Variants in GNA14 observed in about 807,000 individuals in gnomAD.
The protein encoded by GNA14 is G protein subunit alpha 14, also known as guanine nucleotide-binding protein subunit alpha-14.
In GNA14, 50 loss-of-function variants were observed where a neutral mutation model predicts 42.0. That is an observed-to-expected ratio of 1.19 (90% confidence interval 0.95 to 1.51). The LOEUF is 1.51. Among genes scored for constraint, GNA14 ranks in the 40% most tolerant of loss-of-function variants. GNA14 has a pLI of 0.00. For missense variants in GNA14, 473 were observed against 446.2 expected (o/e 1.06, Z -0.54); for synonymous variants, 173 against 163.1 (o/e 1.06, Z -0.46).
At chr9:77,587,290 A>G (rs371223938) in intron 1 of GNA14, among the ~76,000 whole-genome samples, 24 of 152,304 alleles carry the variant, frequency 1.6e-4, no homozygotes, top group East Asian at 3.9e-4. Flanking sequence ...CAGCAATTCC[A>G]CTTCTAAGCA....
chr9:77,642,750 C>A (rs1269893061), intron 1 of GNA14, among the ~76,000 whole-genome samples: 1 of 152,196 alleles, frequency 6.6e-6, no homozygotes, highest in Non-Finnish European at 1.5e-5. Flanking sequence ...GCCTGAGCAA[C>A]AGAGCATGAC....
At chr9:77,647,555 C>G in intron 1 of GNA14, 115 bp downstream of exon 1, 1 of 1,211,716 alleles carries the variant, frequency 8.3e-7, no homozygotes, top group African/African-American at 1.6e-5. Context: ...GGGAGAAGGA[C>G]GAAGCCGCCC....
At chr9:77,534,617 T>C (rs939977118) in intron 1 of GNA14, among the ~76,000 whole-genome samples, 1 of 152,140 alleles carries the variant, frequency 6.6e-6, no homozygotes, top group Admixed American at 6.5e-5. Flanking sequence ...ACAATGTAAA[T>C]AGAACAAAAG....
At chr9:77,640,056 C>T (rs1824234217) in intron 1 of GNA14, among the ~76,000 whole-genome samples, 2 of 152,208 alleles carry the variant, frequency 1.3e-5, no homozygotes, top group Admixed American at 1.3e-4. Context: ...TACATGTCCC[C>T]TGGCCAGAAC....
At chr9:77,532,105 T>A (rs1268085940) in intron 1 of GNA14, among the ~76,000 whole-genome samples, 25 of 151,744 alleles carry the variant, frequency 1.6e-4, no homozygotes, top group Non-Finnish European at 1.5e-5. Flanking sequence ...AGCCTCAGCA[T>A]CACCCAGCTA....
chr9:77,618,326 T>C (rs1255780757), intron 1 of GNA14, among the ~76,000 whole-genome samples: 2 of 151,872 alleles, frequency 1.3e-5, no homozygotes, highest in African/African-American at 2.4e-5. Flanking sequence ...AGTGATCTCA[T>C]AAAGGTAAAC....
intron 1 of GNA14, among the ~76,000 whole-genome samples, chr9:77,539,380 T>A (rs1837632961): frequency 6.6e-6 from 1 of 152,234 alleles, no homozygotes; most frequent in Admixed American, 6.5e-5. Flanking sequence ...TGCATTATGT[T>A]CATGATGTGC....
intron 1 of GNA14, among the ~76,000 whole-genome samples, chr9:77,534,190 C>A (rs984655812): frequency 6.6e-6 from 1 of 152,232 alleles, no homozygotes; most frequent in Non-Finnish European, 1.5e-5. Flanking sequence ...CTGGGAACCA[C>A]ATTTTGGAAA....
At chr9:77,624,003 A>T (rs776275635) in intron 1 of GNA14, among the ~76,000 whole-genome samples, 2 of 152,194 alleles carry the variant, frequency 1.3e-5, no homozygotes, top group Non-Finnish European at 2.9e-5. Context: ...GGGCCCAGCA[A>T]GCTACGTTCC....
At chr9:77,424,275 T>C (rs1429905337) in intron 6 of GNA14, 106 bp from the exon 7 acceptor site, 1 of 718,346 alleles carries the variant, frequency 1.4e-6, no homozygotes, top group Non-Finnish European at 2.3e-6. Flanking sequence ...CAGGCTGGAG[T>C]GCAGTGGCAC....
At chr9:77,550,940 G>A (rs548103209) in intron 1 of GNA14, among the ~76,000 whole-genome samples, 132 of 152,132 alleles carry the variant, frequency 8.7e-4, no homozygotes, top group Non-Finnish European at 1.7e-3. Flanking sequence ...TGCTATTGTG[G>A]GCCCAGTTCC....
chr9:77,576,342 T>C (rs1245265011), intron 1 of GNA14, among the ~76,000 whole-genome samples: 1 of 152,194 alleles, frequency 6.6e-6, no homozygotes, highest in Non-Finnish European at 1.5e-5. Context: ...TAGCTGATGA[T>C]AGTGTACCGA....
intron 1 of GNA14, among the ~76,000 whole-genome samples, chr9:77,551,513 A>C (rs371729835): frequency 1.3e-4 from 19 of 144,708 alleles, no homozygotes; most frequent in Middle Eastern, 3.5e-3. Flanking sequence ...ACACTCACCC[A>C]CCCCCCCTTC....
intron 2 of GNA14, among the ~76,000 whole-genome samples, chr9:77,508,993 A>T (rs1564035956): frequency 6.6e-6 from 1 of 152,178 alleles, no homozygotes; most frequent in Non-Finnish European, 1.5e-5. Context: ...TGTACAGTTT[A>T]GGGCATTAAT....
intron 2 of GNA14, among the ~76,000 whole-genome samples, chr9:77,510,097 A>G (rs1837136032): frequency 1.3e-5 from 2 of 152,178 alleles, no homozygotes; most frequent in Non-Finnish European, 2.9e-5. Context: ...AAGAAACCAT[A>G]TATCCATTAG....
At chr9:77,457,146 G>A (rs1048619056) in intron 2 of GNA14, among the ~76,000 whole-genome samples, 1 of 152,210 alleles carries the variant, frequency 6.6e-6, no homozygotes, top group Non-Finnish European at 1.5e-5. Flanking sequence ...CTTGAAGTCT[G>A]TTTCAGAGCT....
At chr9:77,619,111 C>G (rs954602370) in intron 1 of GNA14, among the ~76,000 whole-genome samples, 2 of 152,050 alleles carry the variant, frequency 1.3e-5, no homozygotes, top group African/African-American at 2.4e-5. Context: ...ATGACTTGTT[C>G]AAAGTTCCAC....
In GNA14 at chr9:77,431,385, G is replaced by A. The variant is rs545966792; in HGVS notation, c.529C>T (p.Arg177Cys). ...ATGCCGGTGGTGGGCACTCGGACGC[G>A]AAGCACATCTTGTTGGGTAGGCACG... Reference protein sequence around the residue: ...SFVPTQQDVLRVRVPTTGIIE... With the variant: ...SFVPTQQDVLCVRVPTTGIIE... The change falls in exon 4 of 7, where the codon CGC becomes TGC. Residue 177 changes from arginine (R) to cysteine (C), a missense_variant. Physicochemically the swap from Arg to Cys is radical, Grantham distance 180. Transcript: ENST00000341700. 22 of 1,613,436 alleles carry A rather than the reference G, an allele frequency of 1.4e-5. No homozygotes were observed. Among genetic ancestry groups the A allele is most frequent in the African/African-American group, 5.3e-5 (4 of 74,994 alleles).
intron 2 of GNA14, among the ~76,000 whole-genome samples, chr9:77,497,706 A>AACATATTTATATACATATGTATAT (rs1453569838): frequency 4.7e-5 from 7 of 147,744 alleles, no homozygotes; most frequent in East Asian, 1.9e-4. Context: ...TTTATGAGCT[A>AACATATTTATATACATATGTATAT]ACATATTTAT....
Sources: gnomAD v4.1 joint callset for allele counts (sites outside exome capture counted in the v4.1 genomes callset) on GRCh38, gnomAD v4.1.1 for gene constraint, MANE v1.5 for transcripts, NCBI Gene and HGNC (gene_info 2026-07-23, HGNC 2026-07-21) for gene names.